Variants in DRD2 observed in about 807,000 individuals in gnomAD.
DRD2 encodes dopamine receptor D2.
In DRD2, 8 loss-of-function variants were observed where a neutral mutation model predicts 38.0. The observed-to-expected ratio is 0.21, with a 90% CI of 0.12 to 0.38. The LOEUF is 0.38. Among genes scored for constraint, DRD2 ranks in the 10% least tolerant of loss-of-function variants. The probability of loss-of-function intolerance (pLI) is 1.00; values close to 1 mark genes in which losing one functional copy is unlikely to be tolerated. For synonymous variants in DRD2, 230 were observed against 238.6 expected, an observed-to-expected ratio of 0.96 and a Z score of 0.33; for missense variants, 403 against 607.7, an observed-to-expected ratio of 0.66 and a Z score of 3.54.
Position 113,410,610 on chromosome 11 carries a change from C to A in DRD2, c.*117G>T. ...GCCAAGCGAACACTGCAGGGCCTGCCGGGGTGAAGAGGAGGCCGATCCACC... is the reference window on the plus strand; with the variant it reads ...GCCAAGCGAACACTGCAGGGCCTGCAGGGGTGAAGAGGAGGCCGATCCACC... On this transcript the variant is annotated 3_prime_UTR_variant, in exon 8 of 8. Transcript: ENST00000362072. 7.7e-7 allele frequency: 1 copy of A among 1,298,596 alleles called. No individual in the cohort carries two copies. The highest frequency in any genetic ancestry group is 1.2e-5 in the South Asian group (1 of 83,778). The allele number at this position is 1,298,596 out of a possible 1,614,324, so 80.4% of individuals were successfully genotyped here. A position where few individuals can be genotyped will look rare whatever the true frequency, so the allele number is the denominator to read the frequency against.
At chr11:113,449,767 C>G (rs1951192551) in intron 1 of DRD2, among the ~76,000 whole-genome samples, 1 of 152,130 alleles carries the variant, frequency 6.6e-6, no homozygotes, top group Non-Finnish European at 1.5e-5. Context: ...AGTGGATATA[C>G]TCAGACAAGC....
chr11:113,425,688 G>A (rs1950935468), intron 1 of DRD2, among the ~76,000 whole-genome samples: 1 of 152,084 alleles, frequency 6.6e-6, no homozygotes, highest in Non-Finnish European at 1.5e-5. Context: ...GCAGGATGCA[G>A]GGAGTGAAAG....
At chr11:113,424,252 C>A in intron 2 of DRD2, 115 bp downstream of exon 2, 3 of 1,217,182 alleles carry the variant, frequency 2.5e-6, no homozygotes, top group Non-Finnish European at 1.2e-6. Context: ...GGAAAAACCA[C>A]CTGGGGAAGC....
At chr11:113,462,234 T>G (rs4322431) in intron 1 of DRD2, among the ~76,000 whole-genome samples, 2 of 151,950 alleles carry the variant, frequency 1.3e-5, no homozygotes, top group Non-Finnish European at 2.9e-5. Flanking sequence ...AGGAACAGGA[T>G]CCACCAAGGC....
chr11:113,439,683 T>C (rs1157202827), intron 1 of DRD2, among the ~76,000 whole-genome samples: 2 of 150,494 alleles, frequency 1.3e-5, no homozygotes, highest in African/African-American at 2.4e-5. Flanking sequence ...CTACTAAAAA[T>C]ACAAAAATTA....
chr11:113,415,486 G>T lies in DRD2; in HGVS notation c.658C>A (p.Arg220Ser). 1 of 1,614,142 alleles carries T rather than the reference G, an allele frequency of 6.2e-7. No individual in the cohort carries two copies. The highest frequency in any genetic ancestry group is 8.5e-7 in the Non-Finnish European group (1 of 1,180,012). The change falls in exon 5 of 8, where the codon CGC becomes AGC. Residue 220 changes from arginine to serine, a missense_variant. Around this residue, in one of 4 missense-constraint regions of DRD2, gnomAD observed 166 missense variants for 178.6 expected, o/e 0.93. Coordinates refer to ENST00000362072, the MANE Select transcript of DRD2 (RefSeq NM_000795.4). Reference protein sequence around the residue: ...IKIYIVLRRRRKRVNTKRSSR... With the variant: ...IKIYIVLRRRSKRVNTKRSSR... ...CTGCGTTTGGTGTTGACTCGCTTGC[G>T]GCGTCTGCGGAGGACAATGTAGATC...
intron 1 of DRD2, among the ~76,000 whole-genome samples, chr11:113,446,962 T>A (rs1038473764): frequency 3.9e-5 from 6 of 152,206 alleles, no homozygotes; most frequent in Non-Finnish European, 8.8e-5. Flanking sequence ...AATTCCTAAC[T>A]TGCTGCTGTG....
At chr11:113,435,449 G>A (rs956454587) in intron 1 of DRD2, among the ~76,000 whole-genome samples, 27 of 152,066 alleles carry the variant, frequency 1.8e-4, no homozygotes, top group Admixed American at 9.8e-4. Context: ...GTGAGGGAAG[G>A]GGCAGATCCC....
chr11:113,419,117 A>T (rs911544889), intron 2 of DRD2, among the ~76,000 whole-genome samples: 1 of 152,256 alleles, frequency 6.6e-6, no homozygotes, highest in African/African-American at 2.4e-5. Context: ...CTGTGGGCTC[A>T]GTTCCTAGTC....
Position 113,412,737 on chromosome 11 carries a change from G to A in DRD2, c.957C>T (p.Pro319=), listed in dbSNP as rs6277. The A allele has an allele frequency of 0.49, 787,261 of 1,613,936 alleles. 206,505 individuals carry two copies. Among genetic ancestry groups the A allele is most frequent in the Non-Finnish European group, 0.55 (645,228 of 1,179,920 alleles). ...DPSHHGLHST[P]DSPAKPEKNG... The stretch of plus-strand genomic sequence containing the variant: ...TCTTCTCTGGTTTGGCGGGGCTGTC[G>A]GGAGTGCTGTGGAGACCATGGTGGG... Residue 319 remains proline, a synonymous_variant, in exon 7 of 8, where the codon CCC becomes CCT. Coordinates refer to ENST00000362072, the MANE Select transcript of DRD2 (RefSeq NM_000795.4).
chr11:113,413,383 T>C, intron 6 of DRD2: 1 of 520,542 alleles, frequency 1.9e-6, no homozygotes, highest in Non-Finnish European at 3.8e-6. Context: ...GATAGACTAA[T>C]CTAGGTGCCA....
intron 1 of DRD2, among the ~76,000 whole-genome samples, chr11:113,464,511 T>C (rs1369143215): frequency 3.3e-5 from 5 of 152,216 alleles, no homozygotes; most frequent in Non-Finnish European, 5.9e-5. Context: ...CCAGCCCAAG[T>C]TGTGCCATGA....
Position 113,441,268 on chromosome 11 carries a change from T to C in DRD2, c.-31-16586A>G, listed in dbSNP as rs572002002. On this transcript the variant is annotated intron_variant, in intron 1 of 7. Coordinates refer to ENST00000362072, the MANE Select transcript of DRD2 (RefSeq NM_000795.4). ...TTATGTGGGAAATGGAGGCTGGCAA[T>C]GGCAGCCTGCTAAAACCTTTTTCCT... is the stretch of plus-strand genomic sequence containing the variant. Among the ~76,000 whole-genome samples, 4 of 152,306 alleles carry C rather than the reference T, an allele frequency of 2.6e-5. No individual in the cohort carries two copies. The South Asian group carries it at 8.3e-4, about 32-fold the overall frequency.
Position 113,424,673 on chromosome 11 carries a change from T to C in DRD2, c.-22A>G. On this transcript the variant is annotated 5_prime_UTR_variant, in exon 2 of 8. Coordinates refer to ENST00000362072, the MANE Select transcript of DRD2 (RefSeq NM_000795.4). Reference sequence around the variant, plus strand: ...CCATCAGGGCGGTGGAGCCACTGGGTGGCCAGGCTCTGGCCAGGAAAAATG... The same window carrying C: ...CCATCAGGGCGGTGGAGCCACTGGGCGGCCAGGCTCTGGCCAGGAAAAATG... 1 of 1,613,690 alleles carries C rather than the reference T, an allele frequency of 6.2e-7. No homozygotes were observed. Among genetic ancestry groups the C allele is most frequent in the South Asian group, 1.1e-5 (1 of 91,064 alleles).
intron 1 of DRD2, among the ~76,000 whole-genome samples, chr11:113,449,812 G>A (rs556471499): frequency 6.6e-6 from 1 of 152,346 alleles, no homozygotes; most frequent in African/African-American, 2.4e-5. Context: ...GCCAGAGAGA[G>A]ACTACCAGAG....
intron 1 of DRD2, among the ~76,000 whole-genome samples, chr11:113,449,702 T>C (rs1431239684): frequency 1.3e-5 from 2 of 151,450 alleles, no homozygotes; most frequent in Non-Finnish European, 2.9e-5. Context: ...TAAGCTGTGA[T>C]TTTAAGCTGG....
At chr11:113,438,574 A>C (rs1429201481) in intron 1 of DRD2, among the ~76,000 whole-genome samples, 1 of 152,184 alleles carries the variant, frequency 6.6e-6, no homozygotes, top group African/African-American at 2.4e-5. Flanking sequence ...CATGCCTACC[A>C]TGTTGTTCCC....
chr11:113,436,279 T>C (rs576399316), intron 1 of DRD2, among the ~76,000 whole-genome samples: 2 of 151,962 alleles, frequency 1.3e-5, no homozygotes, highest in Admixed American at 6.6e-5. Context: ...GAAAATACAA[T>C]AGGACAAATG....
rs1381915141 is a variant in DRD2 at position 113,424,451 on chromosome 11, G to A, written c.201C>T (p.Thr67=). The A allele has an allele frequency of 1.2e-6, 2 of 1,614,126 alleles. No individual in the cohort carries two copies. Among genetic ancestry groups the A allele is most frequent in the Admixed American group, 3.3e-5 (2 of 60,006 alleles). Residue 67 remains threonine, a synonymous_variant, in exon 2 of 8, where the codon ACC becomes ACT. Coordinates refer to ENST00000362072, the MANE Select transcript of DRD2 (RefSeq NM_000795.4). ...GGCTGACGATCAGGTAGTTGGTGGTGGTCTGCAGCGCCTTCTCGCGGGACA... is the reference window on the plus strand; with the variant it reads ...GGCTGACGATCAGGTAGTTGGTGGTAGTCTGCAGCGCCTTCTCGCGGGACA... ...MAVSREKALQ[T]TTNYLIVSLA...
Sources: gnomAD v4.1 joint callset for allele counts (sites outside exome capture counted in the v4.1 genomes callset) on GRCh38, gnomAD v4.1.1 for gene constraint, gnomAD v4.1.1 regional missense constraint, MANE v1.5 for transcripts, NCBI Gene and HGNC (gene_info 2026-07-23, HGNC 2026-07-21) for gene names.